CNTLN: variants seen among roughly 807,000 people sequenced by gnomAD.
CNTLN encodes centlein, centrosomal protein.
A neutral mutation model predicts 180.0 loss-of-function variants in CNTLN; 212 were observed. The ratio of observed to expected loss-of-function variants is 1.18; its 90% CI spans 1.05 to 1.32. The LOEUF is 1.32. Ranked by LOEUF, CNTLN falls within the 40% of genes most tolerant of loss-of-function variation. CNTLN has a pLI of 0.00. For missense variants in CNTLN, 2,095 were observed against 1,610.9 expected (o/e 1.30, Z -5.14); for synonymous variants, 722 against 563.1 (o/e 1.28, Z -3.99).
chr9:17,524,815 T>C, the CNTLN span, among the ~76,000 whole-genome samples: 2 of 152,218 alleles, frequency 1.3e-5, no homozygotes, highest in East Asian at 1.9e-4. Flanking sequence ...GTATAATACA[T>C]GTATTTCCAA....
At chr9:17,336,983 C>A (rs1821088837) in intron 10 of CNTLN, among the ~76,000 whole-genome samples, 1 of 152,272 alleles carries the variant, frequency 6.6e-6, no homozygotes, top group Middle Eastern at 3.4e-3. Context: ...TTTGTTGTTT[C>A]CTGGCTTTTT....
At chr9:17,474,979 G>A (rs1053986206) in intron 23 of CNTLN, among the ~76,000 whole-genome samples, 2 of 152,028 alleles carry the variant, frequency 1.3e-5, no homozygotes, top group Admixed American at 1.3e-4. Context: ...AGGACTCCAT[G>A]ATTAATTTTA....
chr9:17,442,041 CT>C (rs1259902135), intron 18 of CNTLN, among the ~76,000 whole-genome samples: 1 of 152,088 alleles, frequency 6.6e-6, no homozygotes, highest in Non-Finnish European at 1.5e-5. Flanking sequence ...AGGAAGGAAA[CT>C]TTGACAGCTG....
chr9:17,273,847 A>G lies in CNTLN; in HGVS notation c.964A>G (p.Met322Val), dbSNP rs1438194374. 3.8e-6 allele frequency: 6 copies of G among 1,564,964 alleles called. No homozygotes were observed. The African/African-American group carries it at 4.2e-5, about 11-fold the overall frequency. Reference sequence around the variant, plus strand: ...ACAGACTGAACTTATCCAGAAGGATATGGATATTACCCTGGTCAGGCAAGT... The same window carrying G: ...ACAGACTGAACTTATCCAGAAGGATGTGGATATTACCCTGGTCAGGCAAGT... ...NKQTELIQKD[M>V]DITLVRKELQ... The change falls in exon 6 of 26, where the codon ATG (methionine) becomes GTG (valine). Residue 322 changes from methionine (M) to valine (V), a missense_variant. Met to Val is a conservative substitution (Grantham distance 21). Transcript: ENST00000380647.
At chr9:17,498,589 C>G (rs899114715) in intron 25 of CNTLN, among the ~76,000 whole-genome samples, 9 of 152,186 alleles carry the variant, frequency 5.9e-5, no homozygotes, top group African/African-American at 2.2e-4. Context: ...CGTTAAATTT[C>G]TATGCCAAGA....
intron 6 of CNTLN, among the ~76,000 whole-genome samples, chr9:17,292,945 G>T (rs1446139345): frequency 6.6e-6 from 1 of 152,124 alleles, no homozygotes; most frequent in South Asian, 2.1e-4. Flanking sequence ...TGATCTTTCA[G>T]TTTGCGAGGA....
chr9:17,277,913 A>G (rs1348444191), intron 6 of CNTLN, among the ~76,000 whole-genome samples: 1 of 152,152 alleles, frequency 6.6e-6, no homozygotes, highest in African/African-American at 2.4e-5. Context: ...TAAAGATACC[A>G]GTTCTCTCTG....
chr9:17,523,081 G>A, the CNTLN span, among the ~76,000 whole-genome samples: 3 of 152,124 alleles, frequency 2.0e-5, no homozygotes, highest in South Asian at 2.1e-4. Context: ...AGAGTATGTT[G>A]AGAGGCCCCC....
chr9:17,145,054 G>C (rs1211011125), intron 2 of CNTLN, among the ~76,000 whole-genome samples: 3 of 149,494 alleles, frequency 2.0e-5, no homozygotes, highest in Admixed American at 6.7e-5. Flanking sequence ...TGTTAGCCAG[G>C]ATGGTCTCGA....
At chr9:17,470,498 C>T (rs528499215) in intron 23 of CNTLN, among the ~76,000 whole-genome samples, 25 of 151,908 alleles carry the variant, frequency 1.6e-4, no homozygotes, top group African/African-American at 2.4e-4. Flanking sequence ...ATTCATAGGG[C>T]GCAACCAGAT....
intron 23 of CNTLN, among the ~76,000 whole-genome samples, chr9:17,467,515 T>C (rs895814234): frequency 6.6e-6 from 1 of 151,618 alleles, no homozygotes; most frequent in Non-Finnish European, 1.5e-5. Flanking sequence ...CATAGATACC[T>C]TGGGAGTTTT....
intron 15 of CNTLN, among the ~76,000 whole-genome samples, chr9:17,401,776 G>A (rs987452638): frequency 1.3e-5 from 2 of 151,318 alleles, no homozygotes; most frequent in Non-Finnish European, 2.9e-5. Flanking sequence ...GTATACTTAA[G>A]CAAGAGATGA....
chr9:17,281,934 C>G (rs1470545498), intron 6 of CNTLN, among the ~76,000 whole-genome samples: 1 of 151,742 alleles, frequency 6.6e-6, no homozygotes, highest in African/African-American at 2.4e-5. Context: ...TGTTTCTCCA[C>G]AGCCTCGCCA....
chr9:17,471,878 A>T (rs1339219956), intron 23 of CNTLN, among the ~76,000 whole-genome samples: 1 of 152,104 alleles, frequency 6.6e-6, no homozygotes, highest in Admixed American at 6.6e-5. Flanking sequence ...ATTTTAAAAA[A>T]GAGGAAAGTA....
intron 18 of CNTLN, among the ~76,000 whole-genome samples, chr9:17,442,085 A>G (rs1830142785): frequency 6.6e-6 from 1 of 152,212 alleles, no homozygotes; most frequent in South Asian, 2.1e-4. Context: ...CAATAATAGG[A>G]GACGTAAGTA....
the CNTLN span, among the ~76,000 whole-genome samples, chr9:17,510,969 C>T: frequency 6.6e-6 from 1 of 152,184 alleles, no homozygotes. Context: ...TCTAGGGTAG[C>T]TATAACACTC....
At chr9:17,191,878 A>C (rs1218946903) in intron 2 of CNTLN, among the ~76,000 whole-genome samples, 1 of 152,166 alleles carries the variant, frequency 6.6e-6, no homozygotes, top group African/African-American at 2.4e-5. Context: ...TATCAAAACT[A>C]TCTGTGCTAT....
At chr9:17,467,291 C>G (rs888454177) in intron 23 of CNTLN, among the ~76,000 whole-genome samples, 6 of 151,404 alleles carry the variant, frequency 4.0e-5, no homozygotes, top group African/African-American at 1.5e-4. Context: ...CACAAACTAT[C>G]AAGACATGGA....
intron 14 of CNTLN, among the ~76,000 whole-genome samples, chr9:17,392,010 T>A (rs767620161): frequency 6.6e-6 from 1 of 152,172 alleles, no homozygotes; most frequent in Non-Finnish European, 1.5e-5. Context: ...CCCTAAAACA[T>A]ACTGCTTCTT....
Sources: gnomAD v4.1 joint callset for allele counts (sites outside exome capture counted in the v4.1 genomes callset) on GRCh38, gnomAD v4.1.1 for gene constraint, MANE v1.5 for transcripts, NCBI Gene and HGNC (gene_info 2026-07-23, HGNC 2026-07-21) for gene names.